The following USP47 variants were observed in gnomAD, a reference collection of about 807,000 sequenced individuals.
USP47 encodes the protein ubiquitin carboxyl-terminal hydrolase 47.
Under a neutral mutation model 165.1 loss-of-function variants are expected in USP47, and 35 were observed. That is an observed-to-expected ratio of 0.21 (90% CI 0.16 to 0.28). USP47 has a LOEUF of 0.28. USP47 is among the 10% of genes least tolerant of loss of function. The probability of loss-of-function intolerance (pLI) is 1.00; values close to 1 mark genes in which losing one functional copy is unlikely to be tolerated. For synonymous variants in USP47, 531 were observed against 544.5 expected (o/e 0.98, Z 0.35); for missense variants, 1,277 against 1,607.4 (o/e 0.79, Z 3.52).
intron 1 of USP47, among the ~76,000 whole-genome samples, chr11:11,855,207 T>C (rs1848969142): frequency 6.6e-6 from 1 of 152,250 alleles, no homozygotes; most frequent in Non-Finnish European, 1.5e-5. Context: ...TAGTTTGGTT[T>C]ATATAGGTGG....
At chr11:11,858,272 T>C (rs567767721) in intron 1 of USP47, among the ~76,000 whole-genome samples, 47 of 151,936 alleles carry the variant, frequency 3.1e-4, no homozygotes, top group Non-Finnish European at 3.8e-4. Context: ...TTATAGCCCC[T>C]CCATTTTCTC....
At chr11:11,876,879 T>G (rs1260066955) in intron 1 of USP47, among the ~76,000 whole-genome samples, 2 of 152,138 alleles carry the variant, frequency 1.3e-5, no homozygotes, top group Non-Finnish European at 2.9e-5. Flanking sequence ...CTCTTGGTCT[T>G]AGATGGTCAC....
intron 20 of USP47, among the ~76,000 whole-genome samples, chr11:11,945,182 C>G (rs1360436307): frequency 6.6e-6 from 1 of 152,058 alleles, no homozygotes; most frequent in Non-Finnish European, 1.5e-5. Context: ...GTTTAGAAAA[C>G]TGGTTTGGAG....
At chr11:11,897,527 A>G (rs1204212242) in intron 4 of USP47, 70 bp from the exon 5 acceptor site, 3 of 1,152,480 alleles carry the variant, frequency 2.6e-6, no homozygotes, top group South Asian at 3.4e-5. Flanking sequence ...TGTGAATTAA[A>G]TTCTTATTAT....
At chr11:11,917,937 A>T (rs78535804) in intron 8 of USP47, among the ~76,000 whole-genome samples, 24,020 of 152,084 alleles carry the variant, frequency 0.16, 2,397 homozygotes, top group Admixed American at 0.34. Context: ...GGAATCTGTA[A>T]GTGGATGTTA....
intron 8 of USP47, among the ~76,000 whole-genome samples, chr11:11,915,321 G>C (rs766925583): frequency 1.3e-5 from 2 of 152,128 alleles, no homozygotes; most frequent in African/African-American, 2.4e-5. Context: ...CCATTACCAG[G>C]TCTTACGGAT....
At chr11:11,925,996 G>A (rs955958859) in intron 11 of USP47, among the ~76,000 whole-genome samples, 4 of 152,016 alleles carry the variant, frequency 2.6e-5, no homozygotes, top group African/African-American at 7.3e-5. Flanking sequence ...CAATTGAAGC[G>A]ATCCTGTGGT....
chr11:11,902,969 TG>T, intron 6 of USP47, 109 bp downstream of exon 6: 1 of 1,199,636 alleles, frequency 8.3e-7, no homozygotes, highest in Non-Finnish European at 1.1e-6. Context: ...AACCTTTCAT[TG>T]CAAGTTTGTT....
chr11:11,870,977 T>G (rs1004576233), intron 1 of USP47, among the ~76,000 whole-genome samples: 2 of 152,232 alleles, frequency 1.3e-5, no homozygotes, highest in Non-Finnish European at 2.9e-5. Context: ...TTGAGAATTT[T>G]ACCTTGGTGG....
At chr11:11,885,054 G>A (rs747011463) in intron 3 of USP47, among the ~76,000 whole-genome samples, 5 of 152,108 alleles carry the variant, frequency 3.3e-5, no homozygotes, top group Non-Finnish European at 5.9e-5. Context: ...TACATTAAAT[G>A]TTTCACTTCT....
chr11:11,930,579 G>A, intron 13 of USP47, 117 bp from the exon 14 acceptor site: 1 of 779,940 alleles, frequency 1.3e-6, no homozygotes, highest in Non-Finnish European at 2.1e-6. Context: ...TCTGTGAACA[G>A]TGACATGATT....
intron 1 of USP47, among the ~76,000 whole-genome samples, chr11:11,866,802 C>T (rs1849710670): frequency 1.3e-5 from 2 of 152,124 alleles, no homozygotes; most frequent in Non-Finnish European, 2.9e-5. Context: ...TTATGGCCCA[C>T]ACTTTTTCCT....
chr11:11,954,717 C>G (rs1269453687), intron 25 of USP47, among the ~76,000 whole-genome samples, 180 bp from the exon 26 acceptor site: 2 of 152,138 alleles, frequency 1.3e-5, no homozygotes, highest in East Asian at 3.8e-4. Context: ...AAGGAATATA[C>G]TAACTTGGTA....
At position 11,933,055 on chromosome 11, in the gene USP47, A is replaced by AAG. The variant is rs1199458630; in HGVS notation, c.1712_1713dup (p.Leu572SerfsTer19). 6.2e-7 allele frequency: 1 copy of AAG among 1,613,316 alleles called. No individual in the cohort carries two copies. The highest frequency in any genetic ancestry group is 1.3e-5 in the African/African-American group (1 of 74,872). On this transcript the variant is annotated frameshift_variant, in exon 15 of 28. Coordinates refer to ENST00000527733, the MANE Select transcript of USP47 (RefSeq NM_001282659.2). LOFTEE classifies it high-confidence loss of function. ...GAACATATTAAAAACTTGGTGCAGA[A>AAG]AGAGAGAGAGTTGGAAGAACAAGAA...
rs546355760 is a variant in USP47 at position 11,896,896 on chromosome 11, A to T, written c.497-701A>T. 3.3e-5 allele frequency among the ~76,000 whole-genome samples: 5 copies of T among 152,222 alleles called. No homozygotes were observed. The East Asian group carries it at 9.6e-4, about 29-fold the overall frequency. ...AAATAAAAGCTTGAACCTTAGTACA[A>T]AGTGAAAAGCAGATAGCTACCATGC... On this transcript the variant is annotated intron_variant, in intron 4 of 27. Transcript: ENST00000527733.
rs79880818 is a variant in USP47 at position 11,862,916 on chromosome 11, G to A, written c.40-17261G>A. Among the ~76,000 whole-genome samples the A allele has an allele frequency of 2.5e-3, 383 of 152,112 alleles. 2 individuals are homozygous for A. The highest frequency in any genetic ancestry group is 8.7e-3 in the African/African-American group (360 of 41,494). ...TAGTAGTGAAGGCAGGTATTTTAGG[G>A]TATACATTGCCTGAACAACATACAT... On this transcript the variant is annotated intron_variant, in intron 1 of 27. Coordinates refer to ENST00000527733, the MANE Select transcript of USP47 (RefSeq NM_001282659.2).
chr11:11,845,612 G>T (rs1211173288), intron 1 of USP47, among the ~76,000 whole-genome samples: 4 of 152,056 alleles, frequency 2.6e-5, no homozygotes, highest in Admixed American at 2.6e-4. Context: ...TGTAGGTTTT[G>T]TACTATAGGT....
intron 7 of USP47, among the ~76,000 whole-genome samples, chr11:11,904,341 A>G (rs1189277268): frequency 6.6e-6 from 1 of 152,218 alleles, no homozygotes; most frequent in Non-Finnish European, 1.5e-5. Context: ...GTGACGGTCA[A>G]TCCAGTTTGA....
At chr11:11,917,709 G>C (rs1853531236) in intron 8 of USP47, among the ~76,000 whole-genome samples, 1 of 152,038 alleles carries the variant, frequency 6.6e-6, no homozygotes, top group Non-Finnish European at 1.5e-5. Flanking sequence ...AAAAGTAACT[G>C]TAGAATAAAA....
Sources: gnomAD v4.1 joint callset for allele counts (sites outside exome capture counted in the v4.1 genomes callset) on GRCh38, gnomAD v4.1.1 for gene constraint, MANE v1.5 for transcripts, NCBI Gene and HGNC (gene_info 2026-07-23, HGNC 2026-07-21) for gene names.